The following GABRR2 variants were observed in gnomAD, a reference collection of about 807,000 sequenced individuals.
GABRR2 encodes gamma-aminobutyric acid receptor subunit rho-2.
GABRR2 carries 36 observed loss-of-function variants against 47.0 expected under a neutral mutation model. The observed-to-expected ratio is 0.77, with a 90% CI of 0.59 to 1.01. GABRR2 has a LOEUF of 1.01. GABRR2 is among the 50% of genes least tolerant of loss of function. The pLI, the probability that GABRR2 is intolerant of heterozygous loss-of-function variation, is 0.00. For synonymous variants in GABRR2, 204 were observed against 227.5 expected (o/e 0.90, Z 0.93); for missense variants, 587 against 594.6 (o/e 0.99, Z 0.13).
intron 2 of GABRR2, among the ~76,000 whole-genome samples, chr6:89,278,855 G>A (rs1412545710): frequency 6.6e-6 from 1 of 152,254 alleles, no homozygotes; most frequent in African/African-American, 2.4e-5. Context: ...AAGTTCCACT[G>A]AGGTGTGGGA....
At position 89,264,438 on chromosome 6, in the gene GABRR2, G is replaced by A. The variant is rs775816767; in HGVS notation, c.1060C>T (p.Arg354Cys). The A allele has an allele frequency of 8.1e-6, 13 of 1,613,760 alleles. No individual in the cohort carries two copies. Among genetic ancestry groups the A allele is most frequent in the East Asian group, 4.5e-5 (2 of 44,872 alleles). Residue 354 changes from arginine (R) to cysteine (C), a missense_variant, in exon 8 of 9, where the codon CGC becomes TGC. Coordinates refer to ENST00000402938, the MANE Select transcript of GABRR2 (RefSeq NM_002043.5). ...TTCTCCCGCAGCTTCCGTTCCTTGC[G>A]CTCCTGCACGGTGGTCAGGTAGTTG... ...AVNYLTTVQE[R>C]KERKLREKFP... is the part of the protein sequence containing the mutation.
chr6:89,302,161 C>A (rs957756861), intron 1 of GABRR2: 17 of 569,498 alleles, frequency 3.0e-5, no homozygotes, highest in Non-Finnish European at 5.8e-5. Context: ...AGAACTGCGA[C>A]GGTCTGTAGG....
At chr6:89,263,867 G>C (rs935518368) in intron 8 of GABRR2, among the ~76,000 whole-genome samples, 4 of 152,110 alleles carry the variant, frequency 2.6e-5, no homozygotes, top group Admixed American at 2.6e-4. Flanking sequence ...ACACATAAAA[G>C]GTTTTTTTTT....
intron 2 of GABRR2, among the ~76,000 whole-genome samples, chr6:89,291,873 C>T (rs1450424654): frequency 6.6e-6 from 1 of 152,156 alleles, no homozygotes; most frequent in Non-Finnish European, 1.5e-5. Context: ...GGCGGCTCTT[C>T]CCCAGGGCAG....
chr6:89,301,758 C>T (rs1201666006), intron 1 of GABRR2: 5 of 701,892 alleles, frequency 7.1e-6, no homozygotes, highest in Admixed American at 6.1e-5. Context: ...TGCCCGTCCG[C>T]AGCCGCCTGC....
intron 1 of GABRR2, among the ~76,000 whole-genome samples, chr6:89,307,527 T>G (rs919488998): frequency 6.6e-6 from 1 of 152,190 alleles, no homozygotes; most frequent in South Asian, 2.1e-4. Flanking sequence ...TCCTGGATGA[T>G]TCCAAGGTAG....
chr6:89,298,142 A>G (rs895676204), intron 2 of GABRR2, among the ~76,000 whole-genome samples: 1 of 152,196 alleles, frequency 6.6e-6, no homozygotes, highest in Non-Finnish European at 1.5e-5. Context: ...GTGGGCGTCA[A>G]TCAGGTTGCG....
chr6:89,276,524 A>G (rs1372312641), intron 2 of GABRR2, among the ~76,000 whole-genome samples: 1 of 152,162 alleles, frequency 6.6e-6, no homozygotes, highest in Non-Finnish European at 1.5e-5. Context: ...GATGAAGGAG[A>G]GCTACCAAAA....
intron 7 of GABRR2, among the ~76,000 whole-genome samples, chr6:89,265,012 G>T (rs1773856909): frequency 6.6e-6 from 1 of 152,128 alleles, no homozygotes; most frequent in Non-Finnish European, 1.5e-5. Context: ...AGTCGCTGTG[G>T]AAGACTGTGG....
intron 8 of GABRR2, among the ~76,000 whole-genome samples, chr6:89,260,970 CAGAGTACG>C (rs1773731449): frequency 6.6e-6 from 1 of 152,228 alleles, no homozygotes. Context: ...TTGACAACAG[CAGAGTACG>C]AGCTCTCACC....
At chr6:89,265,510 G>T in intron 7 of GABRR2, 103 bp downstream of exon 7, 3 of 1,283,298 alleles carry the variant, frequency 2.3e-6, no homozygotes, top group Non-Finnish European at 3.2e-6. Context: ...GACTCTAACA[G>T]CTCATCAGTT....
At chr6:89,261,369 T>G (rs1773741876) in intron 8 of GABRR2, among the ~76,000 whole-genome samples, 1 of 152,194 alleles carries the variant, frequency 6.6e-6, no homozygotes, top group Non-Finnish European at 1.5e-5. Context: ...TTTGGAGATG[T>G]AAACTAAAAA....
intron 2 of GABRR2, among the ~76,000 whole-genome samples, chr6:89,282,846 T>G (rs1489139249): frequency 6.6e-6 from 1 of 152,172 alleles, no homozygotes; most frequent in Non-Finnish European, 1.5e-5. Flanking sequence ...GATCCTCACT[T>G]CCCCAGCCCC....
At chr6:89,271,793 G>T in intron 2 of GABRR2, 71 bp from the exon 3 acceptor site, 1 of 1,343,778 alleles carries the variant, frequency 7.4e-7, no homozygotes, top group Non-Finnish European at 1.0e-6. Context: ...AGCCCCAGTT[G>T]GCTTCCCCCG....
chr6:89,295,742 A>G (rs917316187), intron 2 of GABRR2, among the ~76,000 whole-genome samples: 26 of 151,930 alleles, frequency 1.7e-4, no homozygotes, highest in African/African-American at 6.3e-4. Context: ...GTTTTCTTCT[A>G]GGGTTTTTAT....
At chr6:89,276,870 A>T (rs979099227) in intron 2 of GABRR2, among the ~76,000 whole-genome samples, 3 of 152,216 alleles carry the variant, frequency 2.0e-5, no homozygotes, top group Non-Finnish European at 2.9e-5. Flanking sequence ...AGTATCATTT[A>T]TGAAATCATC....
chr6:89,264,489 G>A lies in GABRR2; in HGVS notation c.1009C>T (p.Leu337Phe), dbSNP rs1233260072. The A allele has an allele frequency of 6.2e-7, 1 of 1,614,110 alleles. No individual in the cohort carries two copies. The highest frequency in any genetic ancestry group is 8.5e-7 in the Non-Finnish European group (1 of 1,180,018). ...YLWVSFVFVF[L>F]SVLEYAAVNY... The stretch of plus-strand genomic sequence containing the variant: ...ACAGCCGCATACTCCAGCACCGAGA[G>A]GAACACGAACACAAAGCTGACCCAG... Residue 337 changes from leucine to phenylalanine, a missense_variant, in exon 8 of 9, where the codon CTC (leucine) becomes TTC (phenylalanine). Coordinates refer to ENST00000402938, the MANE Select transcript of GABRR2 (RefSeq NM_002043.5).
intron 2 of GABRR2, among the ~76,000 whole-genome samples, chr6:89,285,522 C>T (rs535510710): frequency 6.6e-6 from 1 of 152,088 alleles, no homozygotes; most frequent in Non-Finnish European, 1.5e-5. Context: ...TGTGGCTCCT[C>T]CCTCCAGAGC....
intron 1 of GABRR2, among the ~76,000 whole-genome samples, chr6:89,308,799 C>CA (rs1767619925): frequency 6.6e-6 from 1 of 152,212 alleles, no homozygotes; most frequent in Non-Finnish European, 1.5e-5. Context: ...TTCCTAGACT[C>CA]AAATTGATTT....
Sources: gnomAD v4.1 joint callset for allele counts (sites outside exome capture counted in the v4.1 genomes callset) on GRCh38, gnomAD v4.1.1 for gene constraint, MANE v1.5 for transcripts, NCBI Gene and HGNC (gene_info 2026-07-23, HGNC 2026-07-21) for gene names.